SHROOM3: variants seen among roughly 807,000 people sequenced by gnomAD.
SHROOM3 encodes the protein protein Shroom3.
A neutral mutation model predicts 138.6 loss-of-function variants in SHROOM3; 47 were observed. That is an observed-to-expected ratio of 0.34 (90% CI 0.27 to 0.43). SHROOM3 has a LOEUF of 0.43. Among genes scored for constraint, SHROOM3 ranks in the 20% least tolerant of loss-of-function variants. SHROOM3 has a pLI of 1.00. For synonymous variants in SHROOM3, 1,062 were observed against 1,063.3 expected (o/e 1.00, Z 0.02); for missense variants, 2,491 against 2,596.5 (o/e 0.96, Z 0.88).
intron 2 of SHROOM3, among the ~76,000 whole-genome samples, chr4:76,699,044 G>A (rs573955548): frequency 1.3e-5 from 2 of 152,144 alleles, no homozygotes; most frequent in Admixed American, 6.5e-5. Flanking sequence ...CCCTTATGCA[G>A]GCCATGTTGA....
Position 76,754,612 on chromosome 4 carries a change from C to A in SHROOM3, c.4129C>A (p.Pro1377Thr). Residue 1377 changes from proline (P) to threonine (T), a missense_variant, in exon 7 of 11, where the codon CCT (proline) becomes ACT (threonine). By Grantham distance (38) the Pro-to-Thr change is conservative. This residue lies in a region of SHROOM3 where 1,733 missense variants were observed against 1,661.6 expected (regional missense o/e 1.04). Transcript: ENST00000296043. ...CSQDGQTGRQ[P>T]LPPYTPAMMH... ...ACAGGACGGTCAGACAGGGCGACAG[C>A]CTCTCCCGCCCTACACCCCTGCCAT... The A allele has an allele frequency of 6.2e-7, 1 of 1,614,142 alleles. No homozygotes were observed. The highest frequency in any genetic ancestry group is 2.2e-5 in the East Asian group (1 of 44,870).
chr4:76,608,559 GCATAGCA>G (rs1560563115), intron 2 of SHROOM3, among the ~76,000 whole-genome samples: 90 of 102,568 alleles, frequency 8.8e-4, no homozygotes, highest in South Asian at 1.5e-3. Flanking sequence ...GCATAGCATA[GCATAGCA>G]TAGCATAGCA....
chr4:76,747,395 T>A (rs1458129598), intron 5 of SHROOM3, among the ~76,000 whole-genome samples: 1 of 152,194 alleles, frequency 6.6e-6, no homozygotes, highest in African/African-American at 2.4e-5. Context: ...GGGAAGATAT[T>A]TTCCTTTGTC....
intron 4 of SHROOM3, among the ~76,000 whole-genome samples, chr4:76,732,817 C>T (rs1720924498): frequency 6.6e-6 from 1 of 152,198 alleles, no homozygotes; most frequent in South Asian, 2.1e-4. Context: ...ATCATTTAAC[C>T]TTTGATCTTG....
Position 76,740,175 on chromosome 4 carries a change from A to G in SHROOM3, c.2002A>G (p.Ile668Val), listed in dbSNP as rs1721197956. Residue 668 changes from isoleucine (I) to valine (V), a missense_variant, in exon 5 of 11, where the codon ATT becomes GTT. Ile to Val is a conservative substitution (Grantham distance 29). Around this residue, in one of 4 missense-constraint regions of SHROOM3, gnomAD observed 1,733 missense variants for 1,661.6 expected, o/e 1.04. Transcript: ENST00000296043. The surrounding 1 kb of genome is among the most constrained non-coding windows in gnomAD (Gnocchi z 4.0). ...GTCAGCCTTCTCATCTCTCCAGAAC[A>G]TTCCTGAGAGTCTGAGAAGACACAG... ...TKSAFSSLQN[I>V]PESLRRHSSL... 1.9e-6 allele frequency: 3 copies of G among 1,613,832 alleles called. No individual in the cohort carries two copies. The South Asian group carries it at 3.3e-5, about 18-fold the overall frequency.
chr4:76,643,258 G>A (rs76784442), intron 2 of SHROOM3, among the ~76,000 whole-genome samples: 2 of 150,074 alleles, frequency 1.3e-5, no homozygotes, highest in East Asian at 3.9e-4. Context: ...TTTATTAGGT[G>A]TTTGTTAAAT....
intron 1 of SHROOM3, among the ~76,000 whole-genome samples, chr4:76,462,154 G>A (rs1011231198): frequency 1.4e-4 from 22 of 152,074 alleles, no homozygotes; most frequent in African/African-American, 4.3e-4. Flanking sequence ...CTTGGGAGGC[G>A]AAGATGGGCA....
intron 3 of SHROOM3, among the ~76,000 whole-genome samples, chr4:76,728,300 T>C (rs1720769547): frequency 6.6e-6 from 1 of 152,184 alleles, no homozygotes; most frequent in African/African-American, 2.4e-5. Flanking sequence ...TGGGAGGTAA[T>C]TGAATGATGG....
Position 76,782,258 on chromosome 4 carries a change from G to A in SHROOM3, c.*3081G>A, listed in dbSNP as rs955375501. 2 of 152,180 alleles carry A rather than the reference G, an allele frequency of 1.3e-5. No homozygotes were observed. The highest frequency in any genetic ancestry group is 4.8e-5 in the African/African-American group (2 of 41,424). The allele number at this position is 152,180 out of a possible 1,614,324, so 9.4% of individuals were successfully genotyped here. ...CCAAACATCTTTTCCTTTGCTCTAT[G>A]GGAACATTTTAGGGTTTGTTTTGCA... On this transcript the variant is annotated 3_prime_UTR_variant, in exon 11 of 11. Coordinates refer to ENST00000296043, the MANE Select transcript of SHROOM3 (RefSeq NM_020859.4).
At chr4:76,769,082 G>A (rs973767398) in intron 9 of SHROOM3, among the ~76,000 whole-genome samples, 13 of 151,524 alleles carry the variant, frequency 8.6e-5, no homozygotes, top group African/African-American at 2.9e-4. Flanking sequence ...TTTCAATTCT[G>A]TTGGTCAAAA....
At chr4:76,602,021 A>G (rs1374244728) in intron 2 of SHROOM3, among the ~76,000 whole-genome samples, 2 of 152,200 alleles carry the variant, frequency 1.3e-5, no homozygotes, top group African/African-American at 4.8e-5. Flanking sequence ...TGATAAAGAG[A>G]GCAGAAGAAC....
At chr4:76,530,973 C>G (rs1214334721) in intron 1 of SHROOM3, among the ~76,000 whole-genome samples, 1 of 152,190 alleles carries the variant, frequency 6.6e-6, no homozygotes, top group African/African-American at 2.4e-5. Flanking sequence ...TCCTAGGGTA[C>G]ATTGCATTAG....
rs201312075 is a variant in SHROOM3, at chr4:76,770,778, T to C, written c.5502T>C (p.Tyr1834=). Residue 1834 remains tyrosine, a synonymous_variant, in exon 10 of 11, where the codon TAT becomes TAC. Coordinates refer to ENST00000296043, the MANE Select transcript of SHROOM3 (RefSeq NM_020859.4). ...ELCKPNEFDK[Y]RMFIGDLDKV... is the part of the protein sequence containing the mutation. The stretch of plus-strand genomic sequence containing the variant: ...GCAAGCCCAATGAGTTTGACAAGTA[T>C]AGGATGTTCATAGGGGATTTGGACA... The C allele has an allele frequency of 3.1e-6, 5 of 1,614,108 alleles. No individual in the cohort carries two copies. The highest frequency in any genetic ancestry group is 1.1e-5 in the South Asian group (1 of 91,076).
intron 2 of SHROOM3, among the ~76,000 whole-genome samples, chr4:76,705,360 G>C (rs955500866): frequency 6.6e-6 from 1 of 152,144 alleles, no homozygotes; most frequent in Non-Finnish European, 1.5e-5. Context: ...AGCCTGACAT[G>C]GTGGTGCATG....
rs557481907 is a variant in SHROOM3 at position 76,647,432 on chromosome 4, G to A, written c.324-62724G>A. 1.1e-4 allele frequency among the ~76,000 whole-genome samples: 16 copies of A among 152,206 alleles called. No individual in the cohort carries two copies. The South Asian group carries it at 2.5e-3, about 24-fold the overall frequency. On this transcript the variant is annotated intron_variant, in intron 2 of 10. Transcript: ENST00000296043. ...AAGAGACTTGAAAAACTCCCAACAC[G>A]TAGAAATGATGAATACTCCAGGTGA... is the stretch of plus-strand genomic sequence containing the variant.
chr4:76,446,136 A>C (rs565982824), intron 1 of SHROOM3, among the ~76,000 whole-genome samples: 1 of 152,322 alleles, frequency 6.6e-6, no homozygotes, highest in East Asian at 1.9e-4. Flanking sequence ...TAAGCATTGC[A>C]AAACTCTGGG....
At chr4:76,477,002 CTGT>C (rs1313915651) in intron 1 of SHROOM3, among the ~76,000 whole-genome samples, 5 of 152,218 alleles carry the variant, frequency 3.3e-5, no homozygotes, top group Non-Finnish European at 7.3e-5. Flanking sequence ...GAGTCTCACT[CTGT>C]TGCCCAGGCT....
intron 2 of SHROOM3, among the ~76,000 whole-genome samples, chr4:76,705,280 G>A (rs555548597): frequency 1.3e-5 from 2 of 152,042 alleles, no homozygotes; most frequent in Admixed American, 6.6e-5. Context: ...GACCAGCTCA[G>A]GCAATGTAGT....
chr4:76,734,998 A>C (rs1720993397), intron 4 of SHROOM3, among the ~76,000 whole-genome samples: 3 of 152,152 alleles, frequency 2.0e-5, no homozygotes, highest in African/African-American at 7.2e-5. Context: ...AGCAGTGAGT[A>C]CAAAGACTCT....
Sources: allele counts gnomAD v4.1 joint callset (sites outside exome capture counted in the v4.1 genomes callset), GRCh38; gene constraint gnomAD v4.1.1; regional missense constraint gnomAD v4.1.1; non-coding constraint Gnocchi (gnomAD v3.1); transcripts MANE v1.5; gene names NCBI Gene and HGNC (gene_info 2026-07-23, HGNC 2026-07-21).